The following STKLD1 variants were observed in gnomAD, a reference collection of about 807,000 sequenced individuals.
The protein encoded by STKLD1 is serine/threonine kinase-like domain-containing protein STKLD1.
A neutral mutation model predicts 80.4 loss-of-function variants in STKLD1; 79 were observed. The ratio of observed to expected loss-of-function variants is 0.98; its 90% CI spans 0.82 to 1.19. The LOEUF (loss-of-function observed/expected upper bound fraction) is 1.19. Among genes scored for constraint, STKLD1 ranks in the 50% most tolerant of loss-of-function variants. The pLI, the probability that STKLD1 is intolerant of heterozygous loss-of-function variation, is 0.00. For missense variants in STKLD1, 841 were observed against 856.0 expected (o/e 0.98, Z 0.22); for synonymous variants, 393 against 357.6 (o/e 1.10, Z -1.12).
chr9:133,381,580 A>T (rs1838135842), intron 2 of STKLD1, among the ~76,000 whole-genome samples: 1 of 150,558 alleles, frequency 6.6e-6, no homozygotes, highest in African/African-American at 2.5e-5. Context: ...CCTCCGAAGT[A>T]GCTGGGATTA....
chr9:133,397,208 C>G lies in STKLD1; in HGVS notation c.911C>G (p.Ser304Trp), dbSNP rs782305389. The G allele has an allele frequency of 6.2e-7, 1 of 1,613,874 alleles. No homozygotes were observed. Among genetic ancestry groups the G allele is most frequent in the African/African-American group, 1.3e-5 (1 of 74,920 alleles). The change falls in exon 10 of 18, where the codon TCG (serine) becomes TGG (tryptophan). Residue 304 changes from serine to tryptophan, a missense_variant. Physicochemically the swap from Ser to Trp is radical, Grantham distance 177. Transcript: ENST00000371957. ...TTCTTGAGAGGCTCCTTCAAGTCCT[C>G]GTGCGTCTCTCTGACCCTGCACCGG... ...ITFLRGSFKS[S>W]CVSLTLHRQM...
chr9:133,392,375 T>G (rs781898546), intron 7 of STKLD1, among the ~76,000 whole-genome samples: 8 of 151,860 alleles, frequency 5.3e-5, no homozygotes, highest in Non-Finnish European at 8.8e-5. Context: ...CCACACTCAG[T>G]CCTTGGTAGA....
intron 13 of STKLD1, 126 bp from the exon 14 acceptor site, chr9:133,402,752 C>A: frequency 1.9e-6 from 2 of 1,079,060 alleles, no homozygotes; most frequent in South Asian, 1.7e-5. Flanking sequence ...TGAGTGCACA[C>A]GACTTGGCCC....
chr9:133,396,005 G>GC, intron 9 of STKLD1: 1 of 408,340 alleles, frequency 2.4e-6, no homozygotes, highest in Non-Finnish European at 4.4e-6. Context: ...AGGAGGCGTA[G>GC]CCCCCAGGAC....
intron 2 of STKLD1, among the ~76,000 whole-genome samples, chr9:133,381,055 G>A (rs1471294616): frequency 6.9e-6 from 1 of 145,890 alleles, no homozygotes; most frequent in East Asian, 2.0e-4. Flanking sequence ...GTTTTGTTTT[G>A]TTTTGTTTTG....
At chr9:133,398,474 T>C (rs1325968556) in intron 11 of STKLD1, among the ~76,000 whole-genome samples, 1 of 152,228 alleles carries the variant, frequency 6.6e-6, no homozygotes, top group Non-Finnish European at 1.5e-5. Context: ...CAGATACAAC[T>C]TGCCCACCTA....
chr9:133,395,623 G>T lies in STKLD1; in HGVS notation c.726G>T (p.Arg242=). 2 of 1,613,084 alleles carry T rather than the reference G, an allele frequency of 1.2e-6. No homozygotes were observed. Among genetic ancestry groups the T allele is most frequent in the Non-Finnish European group, 1.7e-6 (2 of 1,179,964 alleles). Residue 242 remains arginine (R), a synonymous_variant, in exon 9 of 18, where the codon CGG becomes CGT. Coordinates refer to ENST00000371957, the MANE Select transcript of STKLD1 (RefSeq NM_153710.5). ...AGGGCACAGAAGCCATGCATCTGCG[G>T]AAGTCCCTCCGCCAGAGCCCAGGCA... The part of the protein sequence containing the change: ...FMDGTEAMHL[R]KSLRQSPGSL...
Position 133,402,918 on chromosome 9 carries a change from GCTGGAGCACATC to G in STKLD1, c.1390_1401del (p.Ile464_His467del), listed in dbSNP as rs782674160. On this transcript the variant is annotated inframe_deletion, in exon 14 of 18. Coordinates refer to ENST00000371957, the MANE Select transcript of STKLD1 (RefSeq NM_153710.5). ...CAGAGGAGCTGCAGAATGCTGGGCT[GCTGGAGCACATC>G]CTGGAGCACCTCAACAGCTCCCTCG... is the stretch of plus-strand genomic sequence containing the variant. The G allele has an allele frequency of 1.5e-5, 24 of 1,587,348 alleles. No individual in the cohort carries two copies. In the Admixed American group the frequency reaches 4.1e-4, roughly 27 times the overall value.
At chr9:133,386,825 G>T (rs2130278237) in intron 4 of STKLD1, among the ~76,000 whole-genome samples, 1 of 152,354 alleles carries the variant, frequency 6.6e-6, no homozygotes, top group South Asian at 2.1e-4. Flanking sequence ...GCGCCAGCCT[G>T]CATGAGATGT....
chr9:133,394,652 A>C lies in STKLD1; in HGVS notation c.702+243A>C. The C allele has an allele frequency of 2.0e-6, 1 of 494,438 alleles. No individual in the cohort carries two copies. Among genetic ancestry groups the C allele is most frequent in the Non-Finnish European group, 3.7e-6 (1 of 273,518 alleles). The allele number at this position is 494,438 out of a possible 1,614,324, so 30.6% of individuals were successfully genotyped here. ...GGTAATATTCAGACCATCCCACGCG[A>C]CCCTCGCAGCAGCCCTCCAGGTGGT... is the stretch of plus-strand genomic sequence containing the variant. On this transcript the variant is annotated intron_variant, in intron 8 of 17. Coordinates refer to ENST00000371957, the MANE Select transcript of STKLD1 (RefSeq NM_153710.5). The surrounding 1 kb of genome is among the most constrained non-coding windows in gnomAD (Gnocchi z 4.9).
In STKLD1 at chr9:133,404,015, TA is replaced by T; in HGVS notation, c.1700del (p.Tyr567SerfsTer8). The T allele has an allele frequency of 6.2e-7, 1 of 1,611,210 alleles. No homozygotes were observed. Among genetic ancestry groups the T allele is most frequent in the Non-Finnish European group, 8.5e-7 (1 of 1,179,022 alleles). The stretch of plus-strand genomic sequence containing the variant: ...CAGAGCCCTGCTGGTGAACAATGCC[TA>T]CCGGGGACTGGCCAGCCTGGTGAAG... ...QDRALLVNNA[Y>X]RGLASLVKVS... On this transcript the variant is annotated frameshift_variant, in exon 16 of 18. Coordinates refer to ENST00000371957, the MANE Select transcript of STKLD1 (RefSeq NM_153710.5). LOFTEE classifies it high-confidence loss of function.
chr9:133,395,795 G>A (rs2130675576), intron 9 of STKLD1, 32 bp downstream of exon 9: 1 of 1,605,662 alleles, frequency 6.2e-7, no homozygotes, highest in East Asian at 2.2e-5. Flanking sequence ...ATTTTAACCT[G>A]TGGATTTATC....
Position 133,390,936 on chromosome 9 carries a change from T to C in STKLD1, c.583+140T>C. 1.4e-6 allele frequency: 1 copy of C among 694,406 alleles called. No homozygotes were observed. The highest frequency in any genetic ancestry group is 2.6e-5 in the East Asian group (1 of 38,416). 43.0% of individuals were successfully genotyped at this position (694,406 alleles called of 1,614,324 possible). A position where few individuals can be genotyped will look rare whatever the true frequency, so the allele number is the denominator to read the frequency against. On this transcript the variant is annotated intron_variant, in intron 7 of 17. Transcript: ENST00000371957. This position sits in a 1 kb window ranked among gnomAD's most constrained non-coding sequence, Gnocchi z 5.1. ...GTCCCCACAAAGCCCTGGCCTTGTG[T>C]AAACTCCAAAGAGACCTCCTTTGGG...
Position 133,389,695 on chromosome 9 carries a change from A to G in STKLD1, c.467+99A>G, listed in dbSNP as rs1344830168. ...CAGTGCCCGTGGGCAGGATCTGGGG[A>G]GAAAGGTGCACCGGGCCAGTGCAGC... On this transcript the variant is annotated intron_variant, in intron 6 of 17. Coordinates refer to ENST00000371957, the MANE Select transcript of STKLD1 (RefSeq NM_153710.5). This position sits in a 1 kb window ranked among gnomAD's most constrained non-coding sequence, Gnocchi z 6.4. 2 of 1,554,414 alleles carry G rather than the reference A, an allele frequency of 1.3e-6. No individual in the cohort carries two copies. Among genetic ancestry groups the G allele is most frequent in the African/African-American group, 1.4e-5 (1 of 73,968 alleles).
chr9:133,404,768 C>T (rs781857235), intron 16 of STKLD1, 21 bp from the exon 17 acceptor site: 1 of 1,609,546 alleles, frequency 6.2e-7, no homozygotes, highest in Non-Finnish European at 8.5e-7. Flanking sequence ...GGGAATGAAC[C>T]CACTCCCACC....
Position 133,394,231 on chromosome 9 carries a change from T to A in STKLD1, c.584-60T>A. 1 of 1,192,696 alleles carries A rather than the reference T, an allele frequency of 8.4e-7. No individual in the cohort carries two copies. The highest frequency in any genetic ancestry group is 1.5e-5 in the African/African-American group (1 of 66,720). 73.9% of individuals were successfully genotyped at this position (1,192,696 alleles called of 1,614,324 possible). A position where few individuals can be genotyped will look rare whatever the true frequency, so the allele number is the denominator to read the frequency against. On this transcript the variant is annotated intron_variant, in intron 7 of 17. Coordinates refer to ENST00000371957, the MANE Select transcript of STKLD1 (RefSeq NM_153710.5). The surrounding 1 kb of genome is among the most constrained non-coding windows in gnomAD (Gnocchi z 4.9). ...TACAGTGCTGGGCAGGGTGACTCTG[T>A]CAAGCCCCTGCCCCCAGGGAGCAAA...
chr9:133,380,544 C>T (rs1838105507), intron 2 of STKLD1, among the ~76,000 whole-genome samples: 1 of 152,060 alleles, frequency 6.6e-6, no homozygotes, highest in African/African-American at 2.4e-5. Flanking sequence ...GTCCCAGCTA[C>T]TTGGGAGCTG....
At chr9:133,382,526 ATGG>A (rs1838157416) in intron 2 of STKLD1, among the ~76,000 whole-genome samples, 3 of 147,318 alleles carry the variant, frequency 2.0e-5, no homozygotes, top group South Asian at 4.3e-4. Flanking sequence ...GGTGATGATG[ATGG>A]TGATGATAAT....
Position 133,389,688 on chromosome 9 carries a change from T to C in STKLD1, c.467+92T>C, listed in dbSNP as rs1838340301. ...CGGGTGCCAGTGCCCGTGGGCAGGA[T>C]CTGGGGAGAAAGGTGCACCGGGCCA... On this transcript the variant is annotated intron_variant, in intron 6 of 17. Transcript: ENST00000371957. This position sits in a 1 kb window ranked among gnomAD's most constrained non-coding sequence, Gnocchi z 6.4. 1 of 1,570,638 alleles carries C rather than the reference T, an allele frequency of 6.4e-7. No individual in the cohort carries two copies. The highest frequency in any genetic ancestry group is 1.2e-5 in the South Asian group (1 of 86,350).
Sources: allele counts gnomAD v4.1 joint callset (sites outside exome capture counted in the v4.1 genomes callset), GRCh38; gene constraint gnomAD v4.1.1; non-coding constraint Gnocchi (gnomAD v3.1); transcripts MANE v1.5; gene names NCBI Gene and HGNC (gene_info 2026-07-23, HGNC 2026-07-21).